Variants in WFDC1 observed in about 807,000 individuals in gnomAD.
The protein encoded by WFDC1 is WAP four-disulfide core domain protein 1.
A neutral mutation model predicts 32.9 loss-of-function variants in WFDC1; 39 were observed. The observed-to-expected ratio is 1.19, with a 90% CI of 0.92 to 1.55. WFDC1 has a LOEUF of 1.55. WFDC1 is among the 40% of genes most tolerant of loss of function. The pLI is 0.00. For synonymous variants in WFDC1, 184 were observed against 137.4 expected (o/e 1.34, Z -2.37); for missense variants, 386 against 309.5 (o/e 1.25, Z -1.85).
intron 1 of WFDC1, 101 bp downstream of exon 1, chr16:84,295,216 C>A: frequency 1.3e-6 from 2 of 1,492,782 alleles, no homozygotes; most frequent in Non-Finnish European, 1.8e-6. Context: ...TAAGTGCTCC[C>A]CCAAAACGTG....
intron 5 of WFDC1, among the ~76,000 whole-genome samples, chr16:84,325,380 T>G (rs1256181827): frequency 6.6e-6 from 1 of 152,174 alleles, no homozygotes; most frequent in East Asian, 1.9e-4. Context: ...TTTTTGTATT[T>G]TTAGTAGAGA....
At chr16:84,325,237 C>G (rs899736162) in intron 5 of WFDC1, among the ~76,000 whole-genome samples, 1 of 144,662 alleles carries the variant, frequency 6.9e-6, no homozygotes, top group Non-Finnish European at 1.5e-5. Flanking sequence ...GAGTCTCACT[C>G]TGTTGCCTAG....
chr16:84,310,728 G>A (rs1907565259), intron 1 of WFDC1, among the ~76,000 whole-genome samples: 1 of 152,174 alleles, frequency 6.6e-6, no homozygotes, highest in Admixed American at 6.5e-5. Flanking sequence ...CCTACACGCT[G>A]TTCCGAACCG....
chr16:84,306,255 T>C (rs995336268), intron 1 of WFDC1, among the ~76,000 whole-genome samples: 1 of 152,176 alleles, frequency 6.6e-6, no homozygotes, highest in Non-Finnish European at 1.5e-5. Flanking sequence ...GTCAGACTCC[T>C]ACACCTGAGC....
At chr16:84,308,639 G>A (rs530372825) in intron 1 of WFDC1, among the ~76,000 whole-genome samples, 6 of 152,230 alleles carry the variant, frequency 3.9e-5, no homozygotes, top group South Asian at 4.2e-4. Flanking sequence ...GTAGATGCCC[G>A]CCTGGGTGTA....
chr16:84,327,071 G>T (rs1229078495), intron 6 of WFDC1, 116 bp downstream of exon 6: 6 of 990,082 alleles, frequency 6.1e-6, no homozygotes, highest in Non-Finnish European at 9.3e-6. Context: ...TTCCCTACTG[G>T]TAGAATTTGA....
intron 2 of WFDC1, among the ~76,000 whole-genome samples, chr16:84,314,178 G>A (rs924039769): frequency 1.2e-4 from 19 of 152,214 alleles, no homozygotes; most frequent in African/African-American, 4.1e-4. Flanking sequence ...CCAACCTCTC[G>A]GGGAGAAACA....
chr16:84,318,865 C>A (rs564637016), intron 3 of WFDC1: 3 of 200,972 alleles, frequency 1.5e-5, no homozygotes, highest in Non-Finnish European at 3.1e-5. Flanking sequence ...AGTGTGCGGC[C>A]GTATATGCAA....
At chr16:84,322,160 C>CGTGTGT (rs10687228) in intron 4 of WFDC1, among the ~76,000 whole-genome samples, 11,234 of 142,162 alleles carry the variant, frequency 0.079, 541 homozygotes, top group African/African-American at 0.13. Context: ...TGTGTGTGTG[C>CGTGTGT]GTGTGTGTGT....
At chr16:84,329,133 C>T (rs899626211) in intron 6 of WFDC1, 189 bp from the exon 7 acceptor site, 6 of 152,116 alleles carry the variant, frequency 3.9e-5, no homozygotes, top group African/African-American at 1.4e-4. Flanking sequence ...GAAGACGTCA[C>T]AGTGAGTTCA....
chr16:84,304,375 C>T (rs1026790198), intron 1 of WFDC1, among the ~76,000 whole-genome samples: 6 of 151,884 alleles, frequency 4.0e-5, no homozygotes, highest in African/African-American at 1.2e-4. Flanking sequence ...ATTATAGGCA[C>T]CCGCCACCAC....
intron 2 of WFDC1, chr16:84,316,153 G>A (rs1182548940): frequency 6.6e-6 from 1 of 152,228 alleles, no homozygotes; most frequent in Non-Finnish European, 1.5e-5. Flanking sequence ...AGAACCGAAA[G>A]GTTGCGTATA....
intron 1 of WFDC1, among the ~76,000 whole-genome samples, chr16:84,303,886 C>G (rs1907092476): frequency 6.6e-6 from 1 of 152,220 alleles, no homozygotes; most frequent in South Asian, 2.1e-4. Flanking sequence ...ATGGATCTGC[C>G]TGTTGTAGAC....
chr16:84,296,715 G>C (rs893509991), intron 1 of WFDC1, among the ~76,000 whole-genome samples: 1 of 152,164 alleles, frequency 6.6e-6, no homozygotes, highest in African/African-American at 2.4e-5. Context: ...CTTGGAGAAG[G>C]GAAAGCTCAT....
chr16:84,324,422 G>A lies in WFDC1; in HGVS notation c.566G>A (p.Gly189Glu), dbSNP rs771082488. Residue 189 changes from glycine (G) to glutamate (E), a missense_variant, in exon 5 of 7, where the codon GGG (glycine) becomes GAG (glutamate). Transcript: ENST00000219454. ...TTTCCTCTCACTTGTTTTCCAGATG[G>A]GCGAATCCTACGACACAAACTTTAC... ...QCVKQRRQAD[G>E]RILRHKLYKE... is the part of the protein sequence containing the mutation. 5 of 1,613,614 alleles carry A rather than the reference G, an allele frequency of 3.1e-6. No individual in the cohort carries two copies. In the East Asian group the frequency reaches 1.1e-4, roughly 36 times the overall value.
chr16:84,325,234 A>C, intron 5 of WFDC1, among the ~76,000 whole-genome samples: 1 of 139,910 alleles, frequency 7.1e-6, no homozygotes, highest in African/African-American at 2.7e-5. Flanking sequence ...ATGGAGTCTC[A>C]CTCTGTTGCC....
chr16:84,306,969 C>T (rs962216110), intron 1 of WFDC1, among the ~76,000 whole-genome samples: 2 of 152,136 alleles, frequency 1.3e-5, no homozygotes, highest in Admixed American at 6.5e-5. Context: ...GTGTGTGAAG[C>T]TCCACAAAGC....
At chr16:84,315,302 C>G (rs1228528985) in intron 2 of WFDC1, among the ~76,000 whole-genome samples, 3 of 152,220 alleles carry the variant, frequency 2.0e-5, no homozygotes, top group African/African-American at 7.2e-5. Flanking sequence ...CCCTCCATCC[C>G]TGTTTAATTT....
chr16:84,301,967 C>T (rs964718598), intron 1 of WFDC1, among the ~76,000 whole-genome samples: 1 of 152,192 alleles, frequency 6.6e-6, no homozygotes, highest in African/African-American at 2.4e-5. Context: ...ACCGCAGCCA[C>T]AGGGCAGAGG....
Sources: gnomAD v4.1 joint callset for allele counts (sites outside exome capture counted in the v4.1 genomes callset) on GRCh38, gnomAD v4.1.1 for gene constraint, MANE v1.5 for transcripts, NCBI Gene and HGNC (gene_info 2026-07-23, HGNC 2026-07-21) for gene names.